Variants in BLNK observed in about 807,000 individuals in gnomAD.
BLNK encodes the protein B cell linker.
In BLNK, 29 loss-of-function variants were observed where a neutral mutation model predicts 73.5. That is an observed-to-expected ratio of 0.39 (90% confidence interval 0.29 to 0.54). The LOEUF is 0.54. BLNK is among the 20% of genes least tolerant of loss of function. BLNK has a pLI of 0.61. For missense variants in BLNK, 460 were observed against 562.8 expected (o/e 0.82, Z 1.85); for synonymous variants, 176 against 200.8 (o/e 0.88, Z 1.04).
At chr10:96,263,433 A>G (rs547064926) in intron 1 of BLNK, among the ~76,000 whole-genome samples, 18 of 152,360 alleles carry the variant, frequency 1.2e-4, no homozygotes, top group Non-Finnish European at 2.4e-4. Context: ...CTCAGCAAAC[A>G]GTCACCACAT....
intron 3 of BLNK, among the ~76,000 whole-genome samples, chr10:96,241,734 C>CT (rs34238526): frequency 0.051 from 7,228 of 142,500 alleles, 559 homozygotes; most frequent in African/African-American, 0.16. Flanking sequence ...TCTTTTCTTT[C>CT]TTTTTTTTTT....
At position 96,190,180 on chromosome 10, in the gene BLNK, G is replaced by C; in HGVS notation, c.*1793C>G. The C allele has an allele frequency of 1.2e-6, 1 of 804,822 alleles. No homozygotes were observed. The highest frequency in any genetic ancestry group is 1.3e-5 in the South Asian group (1 of 75,336). The allele number at this position is 804,822 out of a possible 1,614,324, so 49.9% of individuals were successfully genotyped here. On this transcript the variant is annotated 3_prime_UTR_variant, in exon 17 of 17. Coordinates refer to ENST00000224337, the MANE Select transcript of BLNK (RefSeq NM_013314.4). ...TTCACAACTGAAAAGATAGTTCTGGGCCTCAGGGGGCTCACGTCCATGTCC... is the reference window on the plus strand; with the variant it reads ...TTCACAACTGAAAAGATAGTTCTGGCCCTCAGGGGGCTCACGTCCATGTCC...
intron 1 of BLNK, among the ~76,000 whole-genome samples, chr10:96,268,509 G>C (rs1166026549): frequency 1.3e-5 from 2 of 151,186 alleles, no homozygotes; most frequent in Non-Finnish European, 3.0e-5. Flanking sequence ...GCCTCGGTGG[G>C]AGCAAAGACA....
chr10:96,224,437 A>G (rs2084273076), intron 5 of BLNK, among the ~76,000 whole-genome samples: 1 of 152,222 alleles, frequency 6.6e-6, no homozygotes, highest in Non-Finnish European at 1.5e-5. Context: ...GGTTATGCTA[A>G]AGTGTATCCA....
In BLNK at chr10:96,244,904, G is replaced by A. The variant is rs1193430270; in HGVS notation, c.113+2080C>T. On this transcript the variant is annotated intron_variant, in intron 2 of 16. Transcript: ENST00000224337. The stretch of plus-strand genomic sequence containing the variant: ...GTGTATTGTAAAACTGGCAACTGGG[G>A]GCCATGGAATAGAGAAACATTTTAT... 7.2e-5 allele frequency among the ~76,000 whole-genome samples: 11 copies of A among 152,056 alleles called. No individual in the cohort carries two copies. The East Asian group carries it at 2.1e-3, about 29-fold the overall frequency.
At chr10:96,230,906 C>T (rs186750400) in intron 3 of BLNK, 72 bp from the exon 4 acceptor site, 139 of 1,502,774 alleles carry the variant, frequency 9.2e-5, no homozygotes, top group Non-Finnish European at 1.1e-4. Context: ...CATCCACACA[C>T]ATTTCGCACC....
intron 6 of BLNK, among the ~76,000 whole-genome samples, chr10:96,220,503 T>C (rs1285400704): frequency 1.3e-5 from 2 of 152,242 alleles, no homozygotes; most frequent in Admixed American, 6.5e-5. Context: ...ATTCCCAGCA[T>C]TGCAATTCAA....
chr10:96,250,899 T>C (rs1554908977), intron 1 of BLNK, among the ~76,000 whole-genome samples: 1 of 152,264 alleles, frequency 6.6e-6, no homozygotes, highest in African/African-American at 2.4e-5. Flanking sequence ...TTAAAGTTGA[T>C]GCATAATAGC....
intron 16 of BLNK, among the ~76,000 whole-genome samples, chr10:96,195,071 A>G (rs955160636): frequency 6.6e-6 from 1 of 152,294 alleles, no homozygotes; most frequent in African/African-American, 2.4e-5. Flanking sequence ...GCCCGGCCAG[A>G]GAAATGCAAA....
At chr10:96,206,261 T>C (rs587664383) in intron 11 of BLNK, among the ~76,000 whole-genome samples, 3 of 152,218 alleles carry the variant, frequency 2.0e-5, no homozygotes, top group Non-Finnish European at 1.5e-5. Flanking sequence ...TATCTTCAAG[T>C]ATGGAATTAA....
intron 1 of BLNK, among the ~76,000 whole-genome samples, chr10:96,257,314 G>C (rs1206033106): frequency 2.6e-5 from 4 of 152,174 alleles, no homozygotes; most frequent in Non-Finnish European, 5.9e-5. Context: ...GATGAGGGTG[G>C]AAGAATGGAG....
Position 96,190,942 on chromosome 10 carries a change from G to A in BLNK, c.*1031C>T, listed in dbSNP as rs1183451702. The stretch of plus-strand genomic sequence containing the variant: ...TTGCTGTCATTCCACTTTGAAACTT[G>A]ATATGGTTTGGCTGTGTCCTCACCC... On this transcript the variant is annotated 3_prime_UTR_variant, in exon 17 of 17. Coordinates refer to ENST00000224337, the MANE Select transcript of BLNK (RefSeq NM_013314.4). 6.6e-6 allele frequency among the ~76,000 whole-genome samples: 1 copy of A among 152,136 alleles called. No individual in the cohort carries two copies.
chr10:96,257,569 A>T lies in BLNK; in HGVS notation c.48-10520T>A, dbSNP rs147878471. Among the ~76,000 whole-genome samples, 23 of 152,340 alleles carry T rather than the reference A, an allele frequency of 1.5e-4. No individual in the cohort carries two copies. The East Asian group carries it at 4.2e-3, about 28-fold the overall frequency. On this transcript the variant is annotated intron_variant, in intron 1 of 16. Transcript: ENST00000224337. ...AATCAGCAGGACTGATTCTGTCTTC[A>T]TCTAAAATTCCAGTAGTTTCTTCAT...
rs185761694 is a variant in BLNK, at chr10:96,241,639, C to T, written c.163+1096G>A. 2.6e-4 allele frequency among the ~76,000 whole-genome samples: 40 copies of T among 152,314 alleles called. No homozygotes were observed. The South Asian group carries it at 5.0e-3, about 19-fold the overall frequency. On this transcript the variant is annotated intron_variant, in intron 3 of 16. Transcript: ENST00000224337. ...GTCTCTTCCCCACTTACCCCACACTCCCAGCCACAGATTAGATTCATTAGT... is the reference window on the plus strand; with the variant it reads ...GTCTCTTCCCCACTTACCCCACACTTCCAGCCACAGATTAGATTCATTAGT...
chr10:96,221,753 C>T (rs1302879074), intron 6 of BLNK, among the ~76,000 whole-genome samples: 1 of 152,244 alleles, frequency 6.6e-6, no homozygotes, highest in East Asian at 1.9e-4. Flanking sequence ...AACAGCTGGT[C>T]TCCCCATCCT....
At position 96,247,034 on chromosome 10, in the gene BLNK, C is replaced by A; in HGVS notation, c.63G>T (p.Met21Ile). The change falls in exon 2 of 17, where the codon ATG becomes ATT. Residue 21 changes from methionine (M) to isoleucine (I), a missense_variant. By Grantham distance (10) the Met-to-Ile change is conservative. Around this residue, in one of 3 missense-constraint regions of BLNK, gnomAD observed 139 missense variants for 187.3 expected, o/e 0.74. Transcript: ENST00000224337. Reference sequence around the variant, plus strand: ...CTTCATTGTTTTTAATATCATGGACCATCTTTTGAAGCTGCCTGTAAAAAA... The same window carrying A: ...CTTCATTGTTTTTAATATCATGGACAATCTTTTGAAGCTGCCTGTAAAAAA... ...ASQKLRQLQK[M>I]VHDIKNNEGG... The A allele has an allele frequency of 6.2e-7, 1 of 1,601,942 alleles. No individual in the cohort carries two copies. Among genetic ancestry groups the A allele is most frequent in the South Asian group, 1.1e-5 (1 of 87,618 alleles).
intron 1 of BLNK, among the ~76,000 whole-genome samples, chr10:96,260,364 T>C (rs1233944884): frequency 6.6e-6 from 1 of 152,192 alleles, no homozygotes; most frequent in African/African-American, 2.4e-5. Flanking sequence ...AGCATAAAAA[T>C]GCAAAACTGA....
intron 6 of BLNK, among the ~76,000 whole-genome samples, chr10:96,219,668 A>C (rs587603695): frequency 3.3e-5 from 5 of 152,344 alleles, no homozygotes; most frequent in Non-Finnish European, 7.4e-5. Flanking sequence ...AAATGTTTTT[A>C]TCTGCAGTGT....
At chr10:96,267,081 A>G (rs1844037261) in intron 1 of BLNK, among the ~76,000 whole-genome samples, 1 of 152,196 alleles carries the variant, frequency 6.6e-6, no homozygotes, top group Non-Finnish European at 1.5e-5. Flanking sequence ...GTCCTTCTAA[A>G]TATATCAAGA....
Sources: allele counts gnomAD v4.1 joint callset (sites outside exome capture counted in the v4.1 genomes callset), GRCh38; gene constraint gnomAD v4.1.1; regional missense constraint gnomAD v4.1.1; transcripts MANE v1.5; gene names NCBI Gene and HGNC (gene_info 2026-07-23, HGNC 2026-07-21).